Variants in PRH1 observed in about 807,000 individuals in gnomAD.
The protein encoded by PRH1 is salivary acidic proline-rich phosphoprotein 1/2.
A neutral mutation model predicts 7.9 loss-of-function variants in PRH1; 7 were observed. The ratio of observed to expected loss-of-function variants is 0.89; its 90% CI spans 0.50 to 1.67. PRH1 has a LOEUF of 1.67. Ranked by LOEUF, PRH1 falls within the 40% of genes most tolerant of loss-of-function variation. The pLI is 0.00. For synonymous variants in PRH1, 45 were observed against 80.8 expected (o/e 0.56, Z 2.38); for missense variants, 109 against 223.6 (o/e 0.49, Z 3.27).
At chr12:11,159,698 T>C (rs1947357805) in intron 1 of PRH1, 1 of 152,170 alleles carries the variant, frequency 6.6e-6, no homozygotes, top group African/African-American at 2.4e-5. Context: ...CGAACATTTC[T>C]ATGAAAATAT....
rs145126252 is a variant in PRH1 at position 11,004,563 on chromosome 12, G to C, written c.-125-30842C>G. Among the ~76,000 whole-genome samples, 658 of 152,066 alleles carry C rather than the reference G, an allele frequency of 4.3e-3. 5 individuals are homozygous for C. The highest frequency in any genetic ancestry group is 0.015 in the African/African-American group (636 of 41,536). ...ACAAACCTTTTTCTATTATAATTCA[G>C]AATGCATCTTTAGTTGAAAAATTAC... is the stretch of plus-strand genomic sequence containing the variant. On this transcript the variant is annotated intron_variant, in intron 1 of 3. Coordinates refer to the PRH1 transcript ENST00000539853.
At chr12:11,152,859 A>G (rs1488701957) in intron 1 of PRH1, among the ~76,000 whole-genome samples, 1 of 152,216 alleles carries the variant, frequency 6.6e-6, no homozygotes, top group African/African-American at 2.4e-5. Context: ...GAGAATAGCC[A>G]CAGCTACACT....
chr12:11,132,531 G>T (rs1960613), intron 1 of PRH1, among the ~76,000 whole-genome samples: 68,948 of 150,302 alleles, frequency 0.46, 16,561 homozygotes, highest in Non-Finnish European at 0.53. Flanking sequence ...AGAAATGACT[G>T]TTCTAACTGC....
intron 1 of PRH1, among the ~76,000 whole-genome samples, chr12:11,161,257 A>G (rs553517194): frequency 2.7e-4 from 41 of 152,340 alleles, no homozygotes; most frequent in Non-Finnish European, 5.7e-4. Flanking sequence ...TATCAGTACC[A>G]TTAAAAGAAC....
intron 1 of PRH1, among the ~76,000 whole-genome samples, chr12:11,127,726 GT>G (rs1246798818): frequency 6.6e-6 from 1 of 152,266 alleles, no homozygotes; most frequent in Non-Finnish European, 1.5e-5. Context: ...CATTTTCAAT[GT>G]TTATCAAACT....
intron 1 of PRH1, chr12:11,078,477 C>A: frequency 8.5e-6 from 1 of 117,140 alleles, no homozygotes; most frequent in African/African-American, 3.1e-5. Context: ...AGCTCAGATT[C>A]ACTCCTCTTC....
At chr12:10,986,912 ATTTC>A (rs774954738) in intron 1 of PRH1, 7 of 1,288,834 alleles carry the variant, frequency 5.4e-6, no homozygotes, top group African/African-American at 4.5e-5. Context: ...ACTGGTTGTG[ATTTC>A]TTTAATACTC....
At chr12:11,111,828 C>T (rs1459078361) in intron 1 of PRH1, among the ~76,000 whole-genome samples, 1 of 152,058 alleles carries the variant, frequency 6.6e-6, no homozygotes, top group African/African-American at 2.4e-5. Flanking sequence ...GAGATAGAAA[C>T]ACCTAAAACC....
intron 2 of PRH1, among the ~76,000 whole-genome samples, chr12:10,918,899 A>G (rs888504831): frequency 2.0e-5 from 3 of 152,132 alleles, no homozygotes; most frequent in African/African-American, 7.2e-5. Context: ...TATATTGCAA[A>G]TAGACTTTAA....
chr12:10,930,700 C>G lies in PRH1; in HGVS notation c.-59+42955G>C, dbSNP rs190235340. 9.5e-5 allele frequency: 154 copies of G among 1,613,906 alleles called. No individual in the cohort carries two copies. The East Asian group carries it at 3.1e-3, about 32-fold the overall frequency. ...TGAGCAGTTCATAGATGAGGAGCGT[C>G]AGGGACCACCTTTGGGAGGACAGCA... On this transcript the variant is annotated intron_variant, in intron 2 of 3. Coordinates refer to the PRH1 transcript ENST00000539853.
At chr12:11,097,154 T>G in intron 1 of PRH1, 1 of 182,824 alleles carries the variant, frequency 5.5e-6, no homozygotes. Flanking sequence ...ATCATTAAAA[T>G]ATCAAATAGT....
chr12:11,019,876 G>A (rs897721798), intron 1 of PRH1, among the ~76,000 whole-genome samples: 6 of 152,272 alleles, frequency 3.9e-5, no homozygotes, highest in African/African-American at 1.4e-4. Flanking sequence ...CTTGTCATGG[G>A]GTCTGCTAGC....
chr12:10,959,590 A>C (rs1938139805), intron 2 of PRH1, among the ~76,000 whole-genome samples: 1 of 152,224 alleles, frequency 6.6e-6, no homozygotes, highest in African/African-American at 2.4e-5. Flanking sequence ...TACAAAACGC[A>C]AGAAATCAAA....
intron 1 of PRH1, among the ~76,000 whole-genome samples, chr12:11,149,476 G>C (rs2136421202): frequency 6.6e-6 from 1 of 151,736 alleles, no homozygotes; most frequent in East Asian, 1.9e-4. Flanking sequence ...CAGAGATATA[G>C]ATCAATGGAA....
At chr12:10,954,401 A>C (rs1167638504) in intron 2 of PRH1, among the ~76,000 whole-genome samples, 1 of 152,210 alleles carries the variant, frequency 6.6e-6, no homozygotes, top group Non-Finnish European at 1.5e-5. Context: ...GCTCAAATTT[A>C]AAAGATGGAG....
At chr12:11,026,714 G>A (rs1327954784) in intron 1 of PRH1, among the ~76,000 whole-genome samples, 3 of 152,158 alleles carry the variant, frequency 2.0e-5, no homozygotes, top group Non-Finnish European at 2.9e-5. Context: ...AATGAATGCA[G>A]ACTACCAGAA....
intron 1 of PRH1, among the ~76,000 whole-genome samples, chr12:11,071,539 G>A (rs1222471109): frequency 2.0e-5 from 3 of 152,196 alleles, no homozygotes; most frequent in Non-Finnish European, 4.4e-5. Flanking sequence ...GTTTACTCAG[G>A]TAGTCCTAAA....
intron 2 of PRH1, among the ~76,000 whole-genome samples, chr12:10,951,658 G>A (rs1591719191): frequency 6.6e-6 from 1 of 152,174 alleles, no homozygotes; most frequent in Admixed American, 6.5e-5. Context: ...TTTTAAGGAA[G>A]TCATTCTCTT....
chr12:10,906,264 C>T (rs1389252660), intron 2 of PRH1, among the ~76,000 whole-genome samples: 3 of 152,096 alleles, frequency 2.0e-5, no homozygotes, highest in Non-Finnish European at 4.4e-5. Context: ...GATAACTGTG[C>T]CTTATTGCAA....
Sources: gnomAD v4.1 joint callset for allele counts (sites outside exome capture counted in the v4.1 genomes callset) on GRCh38, gnomAD v4.1.1 for gene constraint, MANE v1.5 for transcripts, NCBI Gene and HGNC (gene_info 2026-07-23, HGNC 2026-07-21) for gene names.